The following NLRP5 variants were observed in gnomAD, a reference collection of about 807,000 sequenced individuals.
The protein encoded by NLRP5 is NACHT, LRR and PYD domains-containing protein 5.
In NLRP5, 93 loss-of-function variants were observed where a neutral mutation model predicts 113.1. The observed-to-expected ratio is 0.82, with a 90% confidence interval of 0.70 to 0.98. The LOEUF (loss-of-function observed/expected upper bound fraction) is 0.98. NLRP5 is among the 50% of genes least tolerant of loss of function. The pLI is 0.00. For missense variants in NLRP5, 1,808 were observed against 1,514.3 expected (o/e 1.19, Z -3.22); for synonymous variants, 751 against 600.7 (o/e 1.25, Z -3.66).
At chr19:56,011,166 T>TATATATATACAC (rs112102134) in intron 3 of NLRP5, among the ~76,000 whole-genome samples, 4 of 150,732 alleles carry the variant, frequency 2.7e-5, no homozygotes, top group Admixed American at 2.0e-4. Context: ...AAAATATATA[T>TATATATATACAC]ACACACATAC....
intron 10 of NLRP5, 90 bp downstream of exon 10, chr19:56,038,285 T>G: frequency 7.2e-7 from 1 of 1,385,056 alleles, no homozygotes; most frequent in Non-Finnish European, 1.0e-6. Context: ...GGGAGGGAAA[T>G]GAGCAGATGT....
chr19:56,015,372 T>C (rs1490585351), intron 3 of NLRP5, among the ~76,000 whole-genome samples: 4 of 152,138 alleles, frequency 2.6e-5, no homozygotes, highest in Non-Finnish European at 5.9e-5. Flanking sequence ...TTTTTTGAAT[T>C]TTTAGTAGAG....
chr19:55,999,761 T>A lies in NLRP5; in HGVS notation c.36T>A (p.Ala12=). ...CAGGAGGACTTGAACTTGGAGCTGC[T>A]GCTCTGCTCTCAGCATCACCACGTG... Residue 12 remains alanine (A), a synonymous_variant, in exon 1 of 15, where the codon GCT becomes GCA. Coordinates refer to ENST00000390649, the MANE Select transcript of NLRP5 (RefSeq NM_153447.4). The A allele has an allele frequency of 1.2e-6, 2 of 1,613,594 alleles. No individual in the cohort carries two copies. Among genetic ancestry groups the A allele is most frequent in the Non-Finnish European group, 1.7e-6 (2 of 1,179,568 alleles).
chr19:56,005,107 A>AAAAAAAAAAAAAAATATATATATAT (rs1173746273), intron 2 of NLRP5, among the ~76,000 whole-genome samples: 2 of 95,340 alleles, frequency 2.1e-5, no homozygotes, highest in African/African-American at 7.8e-5. Context: ...AAAAAAAAAA[A>AAAAAAAAAAAAAAATATATATATAT]ATATATATAT....
chr19:56,007,889 G>GTGTGTGCA (rs748749686), intron 2 of NLRP5, among the ~76,000 whole-genome samples: 34 of 86,264 alleles, frequency 3.9e-4, no homozygotes, highest in South Asian at 7.3e-4. Context: ...GTGTGTGTGT[G>GTGTGTGCA]CGCGTGCGCG....
intron 3 of NLRP5, among the ~76,000 whole-genome samples, chr19:56,009,555 T>C (rs1287615431): frequency 6.6e-6 from 1 of 152,074 alleles, no homozygotes; most frequent in African/African-American, 2.4e-5. Context: ...TGCCAGCCAC[T>C]GCTCTGCGTA....
the NLRP5 span, chr19:55,988,005 C>T: frequency 2.4e-5 from 23 of 952,630 alleles, no homozygotes; most frequent in Middle Eastern, 2.2e-4. Context: ...TATGCATTAA[C>T]GTACTTTCCC....
At chr19:56,006,283 G>A (rs1348360643) in intron 2 of NLRP5, among the ~76,000 whole-genome samples, 1 of 152,080 alleles carries the variant, frequency 6.6e-6, no homozygotes, top group East Asian at 1.9e-4. Context: ...TGTGGGGTGG[G>A]GGAAGTGGGG....
intron 3 of NLRP5, among the ~76,000 whole-genome samples, chr19:56,012,712 T>C (rs1458769323): frequency 6.6e-6 from 1 of 152,038 alleles, no homozygotes; most frequent in Non-Finnish European, 1.5e-5. Context: ...GAACCTGATA[T>C]TGTAATGAAT....
intron 7 of NLRP5, among the ~76,000 whole-genome samples, chr19:56,032,306 C>T (rs1215014843): frequency 1.3e-5 from 2 of 151,128 alleles, no homozygotes; most frequent in Admixed American, 6.6e-5. Context: ...GATTGCGCCA[C>T]TGCGCTCCAG....
chr19:56,000,671 C>G (rs1243628260), intron 1 of NLRP5, among the ~76,000 whole-genome samples: 1 of 151,618 alleles, frequency 6.6e-6, no homozygotes, highest in African/African-American at 2.4e-5. Context: ...GCCACCTCAT[C>G]TTGTAAAGCA....
chr19:56,016,244 C>T (rs1047194580), intron 4 of NLRP5, among the ~76,000 whole-genome samples: 7 of 152,016 alleles, frequency 4.6e-5, no homozygotes, highest in Admixed American at 6.5e-5. Context: ...AGCTCCGCCT[C>T]CCGGGTTCAA....
chr19:56,038,256 CGATT>C, intron 10 of NLRP5, 61 bp downstream of exon 10: 1 of 1,529,886 alleles, frequency 6.5e-7, no homozygotes, highest in Non-Finnish European at 9.0e-7. Context: ...ATCGTAACTT[CGATT>C]CTCCAGGTCA....
chr19:56,042,174 C>T (rs957041665), intron 11 of NLRP5, among the ~76,000 whole-genome samples: 2 of 152,188 alleles, frequency 1.3e-5, no homozygotes, highest in Non-Finnish European at 2.9e-5. Context: ...GAATTACCAA[C>T]ACATTATAGC....
At chr19:56,019,120 C>T (rs1186613291) in intron 4 of NLRP5, among the ~76,000 whole-genome samples, 1 of 152,108 alleles carries the variant, frequency 6.6e-6, no homozygotes, top group Non-Finnish European at 1.5e-5. Flanking sequence ...ATAACTTGTG[C>T]AAGGCTCTTC....
At chr19:56,023,305 G>A (rs916291803) in intron 6 of NLRP5, among the ~76,000 whole-genome samples, 1 of 152,188 alleles carries the variant, frequency 6.6e-6, no homozygotes, top group Non-Finnish European at 1.5e-5. Flanking sequence ...GAGGACAACA[G>A]GTCGGTCTGA....
chr19:55,996,389 A>G (rs939260470), upstream of NLRP5, among the ~76,000 whole-genome samples: 47 of 152,188 alleles, frequency 3.1e-4, no homozygotes, highest in African/African-American at 1.1e-3. Flanking sequence ...TCTAGGGTAC[A>G]TGTGCACAAC....
At chr19:56,052,718 A>G (rs1301670743) in intron 12 of NLRP5, among the ~76,000 whole-genome samples, 1 of 152,194 alleles carries the variant, frequency 6.6e-6, no homozygotes, top group African/African-American at 2.4e-5. Context: ...TTCAGATGTT[A>G]TTTATGGGGC....
In NLRP5 at chr19:56,027,640, G is replaced by C. The variant is rs1182294469; in HGVS notation, c.1407G>C (p.Gln469His). The change falls in exon 7 of 15, where the codon CAG becomes CAC. Residue 469 changes from glutamine (Q) to histidine (H), a missense_variant. Transcript: ENST00000390649. ...ACCGTGAGCTGCTCGACCAGTGCCAGGTGCCCGCCGTGGGCTCTCTCATCT... is the reference window on the plus strand; with the variant it reads ...ACCGTGAGCTGCTCGACCAGTGCCACGTGCCCGCCGTGGGCTCTCTCATCT... The C allele has an allele frequency of 4.3e-6, 7 of 1,613,518 alleles. No homozygotes were observed. The highest frequency in any genetic ancestry group is 1.7e-5 in the Admixed American group (1 of 60,018).
Sources: gnomAD v4.1 joint callset for allele counts (sites outside exome capture counted in the v4.1 genomes callset) on GRCh38, gnomAD v4.1.1 for gene constraint, MANE v1.5 for transcripts, NCBI Gene and HGNC (gene_info 2026-07-23, HGNC 2026-07-21) for gene names.